KCND2: variants seen among roughly 807,000 people sequenced by gnomAD.
The protein encoded by KCND2 is A-type voltage-gated potassium channel KCND2.
KCND2 carries 16 observed loss-of-function variants against 54.4 expected under a neutral mutation model. That is an observed-to-expected ratio of 0.29 (90% CI 0.20 to 0.45). The LOEUF (loss-of-function observed/expected upper bound fraction) is 0.45, where lower values mean the gene tolerates loss of function less well. Ranked by LOEUF, KCND2 falls within the 20% of genes least tolerant of loss-of-function variation. KCND2 has a pLI of 1.00. For missense variants in KCND2, 486 were observed against 824.2 expected (o/e 0.59, Z 5.02); for synonymous variants, 317 against 310.7 (o/e 1.02, Z -0.21).
intron 1 of KCND2, among the ~76,000 whole-genome samples, chr7:120,436,544 G>A (rs866800368): frequency 3.2e-4 from 48 of 152,232 alleles, no homozygotes; most frequent in African/African-American, 1.1e-3. Flanking sequence ...AACTTAATTT[G>A]TATTCTGGGC....
intron 1 of KCND2, among the ~76,000 whole-genome samples, chr7:120,341,040 T>A (rs751602558): frequency 3.3e-5 from 5 of 152,150 alleles, no homozygotes; most frequent in Non-Finnish European, 5.9e-5. Context: ...AAGGTTTTAC[T>A]GAGGAGAGAA....
chr7:120,731,913 TG>T (rs1562922814), intron 1 of KCND2, among the ~76,000 whole-genome samples: 1 of 152,038 alleles, frequency 6.6e-6, no homozygotes, highest in Non-Finnish European at 1.5e-5. Context: ...GGCAGAATTG[TG>T]GGGGGAAAAT....
intron 1 of KCND2, among the ~76,000 whole-genome samples, chr7:120,653,789 G>A (rs904249781): frequency 2.6e-5 from 4 of 152,114 alleles, no homozygotes; most frequent in Admixed American, 6.5e-5. Flanking sequence ...TCCTGATCTC[G>A]AGGTCTCAGT....
At chr7:120,742,135 A>G (rs1267551060) in intron 3 of KCND2, among the ~76,000 whole-genome samples, 1 of 152,148 alleles carries the variant, frequency 6.6e-6, no homozygotes, top group East Asian at 1.9e-4. Flanking sequence ...TAGGACTCCA[A>G]TCTTTACTTA....
intron 1 of KCND2, among the ~76,000 whole-genome samples, chr7:120,594,663 A>G (rs766645430): frequency 1.2e-4 from 18 of 152,224 alleles, no homozygotes; most frequent in Non-Finnish European, 2.5e-4. Flanking sequence ...TGCCTGTGGT[A>G]GAACAACAAC....
At chr7:120,676,148 T>C (rs552925921) in intron 1 of KCND2, among the ~76,000 whole-genome samples, 2 of 152,196 alleles carry the variant, frequency 1.3e-5, no homozygotes, top group Non-Finnish European at 2.9e-5. Flanking sequence ...TCTCTTTCTA[T>C]TCTTAGCACA....
intron 1 of KCND2, among the ~76,000 whole-genome samples, chr7:120,304,548 A>G (rs2116301651): frequency 6.6e-6 from 1 of 152,328 alleles, no homozygotes; most frequent in African/African-American, 2.4e-5. Flanking sequence ...ACTGCATCAA[A>G]AATGGTGGGT....
intron 1 of KCND2, among the ~76,000 whole-genome samples, chr7:120,516,835 GT>G (rs1477194860): frequency 6.6e-6 from 1 of 152,130 alleles, no homozygotes; most frequent in Non-Finnish European, 1.5e-5. Flanking sequence ...GAGGGAACAT[GT>G]TTTAATGCAT....
chr7:120,319,733 A>G (rs1024194480), intron 1 of KCND2, among the ~76,000 whole-genome samples: 4 of 152,162 alleles, frequency 2.6e-5, no homozygotes, highest in Non-Finnish European at 4.4e-5. Context: ...TGTGTCAAGA[A>G]ACTAAAGATA....
chr7:120,607,813 A>G (rs1792901416), intron 1 of KCND2, among the ~76,000 whole-genome samples: 1 of 152,086 alleles, frequency 6.6e-6, no homozygotes, highest in Admixed American at 6.6e-5. Context: ...TAGAATATGC[A>G]GGATGGAGGA....
At chr7:120,600,330 T>C (rs759278725) in intron 1 of KCND2, among the ~76,000 whole-genome samples, 2 of 151,998 alleles carry the variant, frequency 1.3e-5, no homozygotes, top group Non-Finnish European at 2.9e-5. Flanking sequence ...AATTTATTAA[T>C]AATTTAGTTC....
intron 1 of KCND2, among the ~76,000 whole-genome samples, chr7:120,324,606 T>C (rs1799945584): frequency 6.7e-6 from 1 of 149,574 alleles, no homozygotes; most frequent in Non-Finnish European, 1.5e-5. Flanking sequence ...GATCAGATAG[T>C]TGTAGATAAG....
At chr7:120,329,337 G>A (rs1800029174) in intron 1 of KCND2, among the ~76,000 whole-genome samples, 1 of 151,808 alleles carries the variant, frequency 6.6e-6, no homozygotes, top group Non-Finnish European at 1.5e-5. Flanking sequence ...TGGCCAGGCT[G>A]GTCTCAAACT....
rs1306532030 is a variant in KCND2 at position 120,304,914 on chromosome 7, T to C, written c.1115+29167T>C. 2.0e-5 allele frequency among the ~76,000 whole-genome samples: 3 copies of C among 152,140 alleles called. No individual in the cohort carries two copies. In the East Asian group the frequency reaches 5.8e-4, roughly 29 times the overall value. ...TCGGCATTGTTTTCACTGCACCGAG[T>C]CTGCTAATACGTTGAAATGCTCTTG... is the stretch of plus-strand genomic sequence containing the variant. On this transcript the variant is annotated intron_variant, in intron 1 of 5. Transcript: ENST00000331113.
intron 1 of KCND2, among the ~76,000 whole-genome samples, chr7:120,351,361 AGCATACACAC>A (rs1290654341): frequency 2.5e-4 from 30 of 117,776 alleles, no homozygotes; most frequent in African/African-American, 8.8e-4. Flanking sequence ...AAAATCGAAG[AGCATACACAC>A]ACACACACAC....
chr7:120,479,027 C>T (rs1802567125), intron 1 of KCND2, among the ~76,000 whole-genome samples: 1 of 152,068 alleles, frequency 6.6e-6, no homozygotes, highest in Admixed American at 6.6e-5. Flanking sequence ...ATTTTCTGCA[C>T]CTTTGCTGTA....
At chr7:120,606,704 A>G (rs1792886904) in intron 1 of KCND2, among the ~76,000 whole-genome samples, 1 of 151,968 alleles carries the variant, frequency 6.6e-6, no homozygotes, top group Admixed American at 6.6e-5. Flanking sequence ...TGAACTTTTA[A>G]TCCTATTTCA....
At chr7:120,622,486 T>C (rs563756309) in intron 1 of KCND2, among the ~76,000 whole-genome samples, 6 of 122,486 alleles carry the variant, frequency 4.9e-5, no homozygotes, top group African/African-American at 2.3e-4. Context: ...GCGAAATTGT[T>C]ATATATATAT....
intron 1 of KCND2, among the ~76,000 whole-genome samples, chr7:120,562,326 G>A (rs1792246272): frequency 6.6e-6 from 1 of 152,114 alleles, no homozygotes; most frequent in African/African-American, 2.4e-5. Flanking sequence ...GTTATATGAG[G>A]AATTCAAGAA....
Sources: allele counts gnomAD v4.1 joint callset (sites outside exome capture counted in the v4.1 genomes callset), GRCh38; gene constraint gnomAD v4.1.1; transcripts MANE v1.5; gene names NCBI Gene and HGNC (gene_info 2026-07-23, HGNC 2026-07-21).